Variants in PHACTR3 observed in about 807,000 individuals in gnomAD.
PHACTR3 encodes protein phosphatase 1, regulatory subunit 123.
Under a neutral mutation model 66.8 loss-of-function variants are expected in PHACTR3, and 16 were observed. The observed-to-expected ratio is 0.24, with a 90% CI of 0.16 to 0.36. The LOEUF (loss-of-function observed/expected upper bound fraction) is 0.36. Among genes scored for constraint, PHACTR3 ranks in the 10% least tolerant of loss-of-function variants. The pLI is 1.00. For missense variants in PHACTR3, 647 were observed against 719.9 expected (o/e 0.90, Z 1.16); for synonymous variants, 323 against 292.1 (o/e 1.11, Z -1.08).
chr20:59,580,251 A>G (rs1006241977), intron 1 of PHACTR3, among the ~76,000 whole-genome samples: 15 of 152,164 alleles, frequency 9.9e-5, no homozygotes, highest in Admixed American at 3.3e-4. Context: ...CCGGCACCCA[A>G]GGAAGAACCA....
intron 1 of PHACTR3, among the ~76,000 whole-genome samples, chr20:59,723,044 T>TTTTC (rs1299893117): frequency 2.0e-5 from 3 of 149,720 alleles, no homozygotes; most frequent in Non-Finnish European, 3.0e-5. Flanking sequence ...TTATTTCTCT[T>TTTTC]TTTCTTTCTT....
chr20:59,659,054 C>A (rs2035723633), intron 1 of PHACTR3, among the ~76,000 whole-genome samples: 1 of 148,962 alleles, frequency 6.7e-6, no homozygotes, highest in Admixed American at 6.7e-5. Context: ...ATTTGGATAT[C>A]TATTGCAGTT....
upstream of PHACTR3, among the ~76,000 whole-genome samples, chr20:59,601,920 A>G (rs2033488356): frequency 6.6e-6 from 1 of 152,092 alleles, no homozygotes; most frequent in African/African-American, 2.4e-5. Context: ...TTATCCTTTT[A>G]TATGTTTTTA....
chr20:59,796,029 T>G (rs182581978), intron 7 of PHACTR3, among the ~76,000 whole-genome samples: 2 of 152,222 alleles, frequency 1.3e-5, no homozygotes, highest in Admixed American at 6.5e-5. Context: ...ATTTTATAGA[T>G]CTTTTGATCC....
At position 59,767,363 on chromosome 20, in the gene PHACTR3, A is replaced by G. The variant is rs1179424770; in HGVS notation, c.719A>G (p.Lys240Arg). 10 of 1,614,024 alleles carry G rather than the reference A, an allele frequency of 6.2e-6. No homozygotes were observed. Among genetic ancestry groups the G allele is most frequent in the Non-Finnish European group, 7.6e-6 (9 of 1,180,032 alleles). The change falls in exon 5 of 13, where the codon AAG becomes AGG. Residue 240 changes from lysine (K) to arginine (R), a missense_variant. Transcript: ENST00000371015. ...CCACTGCTGCCCACTCCGCCACCCAAGGCAAGCTCCAAAACCACAAAAAAT... is the reference window on the plus strand; with the variant it reads ...CCACTGCTGCCCACTCCGCCACCCAGGGCAAGCTCCAAAACCACAAAAAAT... ...SPPLLPTPPPKASSKTTKNVT... is the reference protein window; with the variant it reads ...SPPLLPTPPPRASSKTTKNVT...
rs565172418 is a variant in PHACTR3, at chr20:59,735,158, A to G, written c.119-7949A>G. Among the ~76,000 whole-genome samples, 6 of 152,066 alleles carry G rather than the reference A, an allele frequency of 3.9e-5. No individual in the cohort carries two copies. The South Asian group carries it at 1.2e-3, about 32-fold the overall frequency. On this transcript the variant is annotated intron_variant, in intron 1 of 12. Coordinates refer to ENST00000371015, the MANE Select transcript of PHACTR3 (RefSeq NM_080672.5). ...ATATCTCAGCTTCTTATTTGCTTCT[A>G]TTGTGGCTCATGTCACATTATGAGG...
chr20:59,735,175 A>G (rs1337667324), intron 1 of PHACTR3, among the ~76,000 whole-genome samples: 1 of 152,132 alleles, frequency 6.6e-6, no homozygotes, highest in Non-Finnish European at 1.5e-5. Flanking sequence ...CTCATGTCAC[A>G]TTATGAGGTT....
intron 1 of PHACTR3, among the ~76,000 whole-genome samples, chr20:59,735,670 G>A (rs1054925635): frequency 2.0e-5 from 3 of 152,116 alleles, no homozygotes; most frequent in Non-Finnish European, 4.4e-5. Context: ...TCACAGGGTC[G>A]AGCAGGTGTT....
chr20:59,744,027 T>C (rs2039273465), intron 2 of PHACTR3, among the ~76,000 whole-genome samples: 1 of 152,058 alleles, frequency 6.6e-6, no homozygotes. Flanking sequence ...ACTGCAGCCA[T>C]GAGGCTGAAC....
At chr20:59,622,996 A>AAAAAAAAAAAAAAAAAAAAAAAAC (rs1568940612) in intron 1 of PHACTR3, among the ~76,000 whole-genome samples, 12 of 146,534 alleles carry the variant, frequency 8.2e-5, no homozygotes, top group African/African-American at 3.1e-4. Context: ...AAAAAAAAAA[A>AAAAAAAAAAAAAAAAAAAAAAAAC]AAAAACCCAA....
intron 1 of PHACTR3, among the ~76,000 whole-genome samples, chr20:59,593,167 G>C (rs1390203632): frequency 1.3e-5 from 2 of 152,174 alleles, no homozygotes; most frequent in Non-Finnish European, 2.9e-5. Context: ...TCAGCATTTG[G>C]TATTGTCAGT....
chr20:59,791,164 G>T (rs1372367434), intron 7 of PHACTR3, among the ~76,000 whole-genome samples: 2 of 152,056 alleles, frequency 1.3e-5, no homozygotes, highest in Non-Finnish European at 2.9e-5. Flanking sequence ...AAGGTGATTG[G>T]GCCATGAGAG....
chr20:59,773,636 G>C (rs999585614), intron 6 of PHACTR3, among the ~76,000 whole-genome samples, 183 bp downstream of exon 6: 5 of 152,224 alleles, frequency 3.3e-5, no homozygotes, highest in Admixed American at 6.5e-5. Flanking sequence ...AGCTGATCTT[G>C]GTTCCCACAT....
At chr20:59,696,433 G>A (rs1382148382) in intron 1 of PHACTR3, among the ~76,000 whole-genome samples, 2 of 152,100 alleles carry the variant, frequency 1.3e-5, no homozygotes, top group Non-Finnish European at 2.9e-5. Flanking sequence ...CAGGCCCGTC[G>A]GGAAGATACT....
intron 7 of PHACTR3, among the ~76,000 whole-genome samples, chr20:59,781,141 C>T (rs1462077384): frequency 6.6e-6 from 1 of 152,240 alleles, no homozygotes; most frequent in Non-Finnish European, 1.5e-5. Flanking sequence ...GATGTCCCTG[C>T]CGCTGCATAG....
At chr20:59,742,382 A>T (rs1307676153) in intron 1 of PHACTR3, among the ~76,000 whole-genome samples, 2 of 152,184 alleles carry the variant, frequency 1.3e-5, no homozygotes, top group Non-Finnish European at 2.9e-5. Context: ...GTTCATCTTC[A>T]CGTGTCCCAG....
chr20:59,742,495 G>A (rs553663536), intron 1 of PHACTR3, among the ~76,000 whole-genome samples: 21 of 125,190 alleles, frequency 1.7e-4, no homozygotes, highest in African/African-American at 6.1e-4. Flanking sequence ...CTCTGCAGCC[G>A]TTTGCTCAGA....
intron 1 of PHACTR3, among the ~76,000 whole-genome samples, chr20:59,619,277 G>A (rs2034149946): frequency 1.3e-5 from 2 of 152,116 alleles, no homozygotes; most frequent in Non-Finnish European, 2.9e-5. Context: ...AGCCCTAAAG[G>A]GGACAAAATT....
rs561451923 is a variant in PHACTR3, at chr20:59,589,839, A to G, written c.109+12222A>G. Among the ~76,000 whole-genome samples the G allele has an allele frequency of 3.3e-5, 5 of 152,370 alleles. No homozygotes were observed. In the South Asian group the frequency reaches 8.3e-4, roughly 25 times the overall value. On this transcript the variant is annotated intron_variant, in intron 1 of 12. Transcript: ENST00000359926. The stretch of plus-strand genomic sequence containing the variant: ...GTGTGCACAACAGTGCCAATTCTAG[A>G]AGAGGGTATGGATTTGCTCTTTTAT...
Sources: allele counts gnomAD v4.1 joint callset (sites outside exome capture counted in the v4.1 genomes callset), GRCh38; gene constraint gnomAD v4.1.1; transcripts MANE v1.5; gene names NCBI Gene and HGNC (gene_info 2026-07-23, HGNC 2026-07-21).